TENM2: variants seen among roughly 807,000 people sequenced by gnomAD.
TENM2 encodes teneurin transmembrane protein 2.
In TENM2, 52 loss-of-function variants were observed where a neutral mutation model predicts 245.2. The observed-to-expected ratio is 0.21, with a 90% CI of 0.17 to 0.27. The LOEUF (loss-of-function observed/expected upper bound fraction) is 0.27, where lower values mean the gene tolerates loss of function less well. Ranked by LOEUF, TENM2 falls within the 10% of genes least tolerant of loss-of-function variation. The pLI is 1.00. For synonymous variants in TENM2, 1,363 were observed against 1,438.9 expected (o/e 0.95, Z 1.19); for missense variants, 3,046 against 3,666.8 (o/e 0.83, Z 4.37).
intron 2 of TENM2, among the ~76,000 whole-genome samples, chr5:167,789,926 G>A (rs764614642): frequency 1.3e-5 from 2 of 152,084 alleles, no homozygotes; most frequent in East Asian, 3.9e-4. Context: ...AACCAGCATC[G>A]TTTTTATTGT....
At chr5:167,389,249 A>AATATATATAT (rs61126047) in intron 2 of TENM2, among the ~76,000 whole-genome samples, 6 of 146,946 alleles carry the variant, frequency 4.1e-5, no homozygotes, top group African/African-American at 1.5e-4. Context: ...GTGCATTTAA[A>AATATATATAT]ATATATATAT....
At chr5:167,216,021 A>G in the TENM2 span, among the ~76,000 whole-genome samples, 2 of 152,186 alleles carry the variant, frequency 1.3e-5, no homozygotes, top group African/African-American at 2.4e-5. Context: ...CTTACTTTTT[A>G]TCACCTCAAA....
chr5:167,186,626 A>G, the TENM2 span, among the ~76,000 whole-genome samples: 2 of 152,186 alleles, frequency 1.3e-5, no homozygotes, highest in African/African-American at 4.8e-5. Context: ...CAGTCACCGT[A>G]AAAAAGCACG....
Position 167,985,487 on chromosome 5 carries a change from C to T in TENM2, c.948-7457C>T, listed in dbSNP as rs186022958. Among the ~76,000 whole-genome samples the T allele has an allele frequency of 1.2e-3, 177 of 152,248 alleles. 1 individual carries two copies. Among genetic ancestry groups the T allele is most frequent in the Admixed American group, 5.2e-3 (80 of 15,284 alleles). ...GCTGTATTTCAAAAACGTTTGCTGCCGCAGACTTCGTGAGCAAAGAACAAC... is the reference window on the plus strand; with the variant it reads ...GCTGTATTTCAAAAACGTTTGCTGCTGCAGACTTCGTGAGCAAAGAACAAC... On this transcript the variant is annotated intron_variant, in intron 4 of 28. Coordinates refer to ENST00000518659, the Ensembl canonical transcript of TENM2.
chr5:167,101,856 TA>T, the TENM2 span, among the ~76,000 whole-genome samples: 1 of 124,806 alleles, frequency 8.0e-6, no homozygotes, highest in East Asian at 2.4e-4. Flanking sequence ...TATTTATATA[TA>T]TATATATATA....
chr5:167,153,826 C>A, the TENM2 span, among the ~76,000 whole-genome samples: 3 of 152,042 alleles, frequency 2.0e-5, no homozygotes, highest in East Asian at 1.9e-4. Context: ...AACAGAAAAA[C>A]CTTTGTCACA....
chr5:168,234,981 T>C (rs1450620747), intron 25 of TENM2, among the ~76,000 whole-genome samples: 1 of 152,240 alleles, frequency 6.6e-6, no homozygotes, highest in East Asian at 1.9e-4. Context: ...CGTGTTGGCA[T>C]GTGTTACTTT....
chr5:167,638,815 A>C (rs1779377681), intron 2 of TENM2, among the ~76,000 whole-genome samples: 1 of 152,194 alleles, frequency 6.6e-6, no homozygotes, highest in East Asian at 1.9e-4. Context: ...TGAAAATCAA[A>C]AATGAGCAGA....
At chr5:168,003,311 A>G (rs991371901) in intron 5 of TENM2, among the ~76,000 whole-genome samples, 6 of 79,150 alleles carry the variant, frequency 7.6e-5, no homozygotes, top group South Asian at 4.6e-4. Flanking sequence ...GAAAAAACAC[A>G]CACACACACA....
At chr5:168,191,078 A>G (rs1415241944) in intron 14 of TENM2, among the ~76,000 whole-genome samples, 4 of 152,058 alleles carry the variant, frequency 2.6e-5, no homozygotes, top group African/African-American at 7.2e-5. Context: ...CAACAATCCC[A>G]TCTATTGCCT....
intron 5 of TENM2, among the ~76,000 whole-genome samples, chr5:168,037,457 G>T (rs1467668357): frequency 2.0e-5 from 3 of 151,046 alleles, no homozygotes; most frequent in African/African-American, 7.3e-5. Context: ...GATTCTAGCT[G>T]TGAATAAACT....
chr5:167,850,687 G>A lies in TENM2; in HGVS notation c.503-25299G>A, dbSNP rs537607111. 8.5e-5 allele frequency among the ~76,000 whole-genome samples: 13 copies of A among 152,242 alleles called. No homozygotes were observed. The East Asian group carries it at 2.5e-3, about 29-fold the overall frequency. ...TAAATAACTTCCTGGGGACTACTCT[G>A]GAGGATGGGGGCTGCAAAGCTAATA... is the stretch of plus-strand genomic sequence containing the variant. On this transcript the variant is annotated intron_variant, in intron 2 of 28. Coordinates refer to ENST00000518659, the Ensembl canonical transcript of TENM2.
chr5:167,667,416 T>C (rs1053664560), intron 2 of TENM2, among the ~76,000 whole-genome samples: 10 of 152,242 alleles, frequency 6.6e-5, no homozygotes, highest in Admixed American at 6.5e-4. Flanking sequence ...CTAAAATTAT[T>C]CTAAGAATCA....
chr5:167,433,555 A>G (rs533241676), intron 2 of TENM2, among the ~76,000 whole-genome samples: 19 of 152,104 alleles, frequency 1.2e-4, no homozygotes, highest in Non-Finnish European at 2.1e-4. Context: ...AGTTAAAGCA[A>G]TTTAAAGGAT....
chr5:167,244,024 TCC>T, the TENM2 span, among the ~76,000 whole-genome samples: 1 of 152,162 alleles, frequency 6.6e-6, no homozygotes, highest in African/African-American at 2.4e-5. Flanking sequence ...GCCTGGGAAA[TCC>T]TTCTTCTTCC....
At chr5:168,128,493 T>C (rs772891495) in intron 12 of TENM2, among the ~76,000 whole-genome samples, 2 of 152,244 alleles carry the variant, frequency 1.3e-5, no homozygotes, top group Non-Finnish European at 2.9e-5. Flanking sequence ...AATCCTACTT[T>C]CTTTTAATTC....
At chr5:167,549,574 A>G (rs1039409814) in intron 2 of TENM2, among the ~76,000 whole-genome samples, 3 of 152,192 alleles carry the variant, frequency 2.0e-5, no homozygotes, top group Non-Finnish European at 2.9e-5. Flanking sequence ...CCTAAAAACA[A>G]TGAGGACCTA....
At position 168,244,279 on chromosome 5, in the gene TENM2, A is replaced by G; in HGVS notation, c.5521-141A>G. 1 of 697,340 alleles carries G rather than the reference A, an allele frequency of 1.4e-6. No individual in the cohort carries two copies. Among genetic ancestry groups the G allele is most frequent in the African/African-American group, 1.8e-5 (1 of 54,190 alleles). 43.2% of individuals were successfully genotyped at this position (697,340 alleles called of 1,614,324 possible). Reference sequence around the variant, plus strand: ...ATCTGTGCCATGATAAGGAGCTTAGAAAGCACTACTCTAACTTTGGGGTTA... The same window carrying G: ...ATCTGTGCCATGATAAGGAGCTTAGGAAGCACTACTCTAACTTTGGGGTTA... On this transcript the variant is annotated intron_variant, in intron 25 of 28. Coordinates refer to ENST00000518659, the Ensembl canonical transcript of TENM2. The surrounding 1 kb of genome is among the most constrained non-coding windows in gnomAD (Gnocchi z 4.9).
chr5:168,245,146 CT>C (rs1435847589), intron 26 of TENM2, among the ~76,000 whole-genome samples: 1 of 148,780 alleles, frequency 6.7e-6, no homozygotes, highest in Non-Finnish European at 1.5e-5. Context: ...TCTACAAGGA[CT>C]TCCCTCCTGC....
Sources: gnomAD v4.1 joint callset for allele counts (sites outside exome capture counted in the v4.1 genomes callset) on GRCh38, gnomAD v4.1.1 for gene constraint, Gnocchi (gnomAD v3.1) non-coding constraint, MANE v1.5 for transcripts, NCBI Gene and HGNC (gene_info 2026-07-23, HGNC 2026-07-21) for gene names.